The following ERP27 variants were observed in gnomAD, a reference collection of about 807,000 sequenced individuals.
The protein encoded by ERP27 is endoplasmic reticulum protein 27.
ERP27 carries 23 observed loss-of-function variants against 27.7 expected under a neutral mutation model. That is an observed-to-expected ratio of 0.83 (90% confidence interval 0.60 to 1.18). The LOEUF (loss-of-function observed/expected upper bound fraction) is 1.18, where lower values mean the gene tolerates loss of function less well. Ranked by LOEUF, ERP27 falls within the 50% of genes most tolerant of loss-of-function variation. The pLI is 0.00. For missense variants in ERP27, 363 were observed against 327.9 expected (o/e 1.11, Z -0.83); for synonymous variants, 159 against 118.3 (o/e 1.34, Z -2.23).
At chr12:14,915,952 A>G in intron 5 of ERP27, 1 of 261,196 alleles carries the variant, frequency 3.8e-6, no homozygotes, top group Non-Finnish European at 7.5e-6. Context: ...CCCACTTCTA[A>G]GTGGGAGCTA....
chr12:14,938,467 G>C lies in ERP27; in HGVS notation c.42C>G (p.Leu14=), dbSNP rs539378364. ...APSRFMFLLF[L]LTCELAAEVA... is the part of the protein sequence containing the mutation. ...CTTCTGCAGCCAGCTCACACGTGAG[G>C]AGAAATAAGAGGAACATGAACCTGG... The change falls in exon 1 of 7, where the codon CTC becomes CTG. Residue 14 remains leucine, a synonymous_variant. Transcript: ENST00000266397. 2.5e-6 allele frequency: 4 copies of C among 1,614,050 alleles called. No homozygotes were observed. Among genetic ancestry groups the C allele is most frequent in the East Asian group, 2.2e-5 (1 of 44,848 alleles).
intron 3 of ERP27, among the ~76,000 whole-genome samples, chr12:14,921,718 C>G (rs1190073177): frequency 6.6e-6 from 1 of 152,126 alleles, no homozygotes; most frequent in Non-Finnish European, 1.5e-5. Context: ...AGAACCACCA[C>G]CCAAGTCAAG....
intron 5 of ERP27, 149 bp from the exon 6 acceptor site, chr12:14,915,835 G>T: frequency 4.1e-6 from 3 of 733,656 alleles, no homozygotes; most frequent in South Asian, 4.1e-5. Context: ...AATTATTGCA[G>T]CTGTAACAAA....
At chr12:14,927,491 T>A (rs1188504109) in intron 3 of ERP27, among the ~76,000 whole-genome samples, 1 of 93,132 alleles carries the variant, frequency 1.1e-5, no homozygotes, top group Non-Finnish European at 2.4e-5. Flanking sequence ...TCAAAGGGGA[T>A]GTGAAAGGTG....
chr12:14,921,655 A>G (rs936752608), intron 3 of ERP27, among the ~76,000 whole-genome samples: 4 of 152,262 alleles, frequency 2.6e-5, no homozygotes, highest in Admixed American at 2.6e-4. Context: ...AATATAACAC[A>G]GTATAAACAT....
At chr12:14,923,503 CT>C (rs1863544801) in intron 3 of ERP27, among the ~76,000 whole-genome samples, 1 of 151,252 alleles carries the variant, frequency 6.6e-6, no homozygotes, top group Non-Finnish European at 1.5e-5. Context: ...ATCTATCTAT[CT>C]ATCTATCTAT....
At chr12:14,935,430 C>T (rs776438598) in intron 2 of ERP27, among the ~76,000 whole-genome samples, 10 of 152,114 alleles carry the variant, frequency 6.6e-5, no homozygotes, top group Non-Finnish European at 1.0e-4. Context: ...TTACTCATTC[C>T]TGCATGTAGG....
chr12:14,921,610 C>T (rs1356785026), intron 3 of ERP27, among the ~76,000 whole-genome samples: 1 of 152,146 alleles, frequency 6.6e-6, no homozygotes, highest in East Asian at 1.9e-4. Context: ...TATTTATGTA[C>T]CCTTTTACTG....
At chr12:14,917,605 C>T (rs542887120) in intron 4 of ERP27, among the ~76,000 whole-genome samples, 6 of 152,232 alleles carry the variant, frequency 3.9e-5, no homozygotes, top group Non-Finnish European at 7.3e-5. Flanking sequence ...GCTCTTCTCT[C>T]TATCTCTCAC....
intron 4 of ERP27, among the ~76,000 whole-genome samples, chr12:14,919,149 A>G (rs1863459756): frequency 6.6e-6 from 1 of 152,232 alleles, no homozygotes; most frequent in Non-Finnish European, 1.5e-5. Context: ...CCAGAAGCAG[A>G]TGAGAAACAG....
At position 14,914,482 on chromosome 12, in the gene ERP27, T is replaced by G; in HGVS notation, c.*253A>C. 1 of 473,184 alleles carries G rather than the reference T, an allele frequency of 2.1e-6. No homozygotes were observed. The allele number at this position is 473,184 out of a possible 1,614,324, so 29.3% of individuals were successfully genotyped here. On this transcript the variant is annotated 3_prime_UTR_variant, in exon 7 of 7. Coordinates refer to ENST00000266397, the MANE Select transcript of ERP27 (RefSeq NM_152321.4). ...GTATGAATGCACGATAAGAAGGAAATTGGATAGGGAGTGAGGATATGAAAT... is the reference window on the plus strand; with the variant it reads ...GTATGAATGCACGATAAGAAGGAAAGTGGATAGGGAGTGAGGATATGAAAT...
chr12:14,916,821 G>A (rs879416997), intron 5 of ERP27, among the ~76,000 whole-genome samples: 2 of 152,102 alleles, frequency 1.3e-5, no homozygotes, highest in Non-Finnish European at 2.9e-5. Context: ...TGTTTTATAT[G>A]AGAAATGAGC....
At chr12:14,930,694 T>G (rs1863684969) in intron 3 of ERP27, among the ~76,000 whole-genome samples, 1 of 152,248 alleles carries the variant, frequency 6.6e-6, no homozygotes, top group Non-Finnish European at 1.5e-5. Flanking sequence ...GCACTATTTT[T>G]GGAGAATATT....
At chr12:14,923,508 T>TATCTATCTATC (rs1863545246) in intron 3 of ERP27, among the ~76,000 whole-genome samples, 1 of 151,676 alleles carries the variant, frequency 6.6e-6, no homozygotes, top group Non-Finnish European at 1.5e-5. Context: ...TCTATCTATC[T>TATCTATCTATC]ATCTATCTAT....
intron 2 of ERP27, among the ~76,000 whole-genome samples, chr12:14,936,484 G>C (rs1450059262): frequency 1.3e-5 from 2 of 152,142 alleles, no homozygotes; most frequent in Admixed American, 1.3e-4. Flanking sequence ...GAACAAACAT[G>C]TTCTACCCTG....
In ERP27 at chr12:14,927,052, G is replaced by T. The variant is rs541923148; in HGVS notation, c.334-6004C>A. Among the ~76,000 whole-genome samples, 36 of 152,116 alleles carry T rather than the reference G, an allele frequency of 2.4e-4. 1 individual carries two copies. The highest frequency in any genetic ancestry group is 2.2e-3 in the Admixed American group (33 of 15,288). ...TTTTTGCTGGGGGTAGAATTCTAAC[G>T]TTGGCAGTGATTTTCTTTCAGTATT... On this transcript the variant is annotated intron_variant, in intron 3 of 6. Coordinates refer to ENST00000266397, the MANE Select transcript of ERP27 (RefSeq NM_152321.4).
rs1404522746 is a variant in ERP27 at position 14,938,005 on chromosome 12, C to T, written c.142G>A (p.Ala48Thr). ...QEPTWLTDVPAAMEFIAATEV... is the reference protein window; with the variant it reads ...QEPTWLTDVPTAMEFIAATEV... ...GTGGCAGCAATGAATTCCATGGCAGCTGGGACATCTGTGAGCCACGTGGGT... is the reference window on the plus strand; with the variant it reads ...GTGGCAGCAATGAATTCCATGGCAGTTGGGACATCTGTGAGCCACGTGGGT... The change falls in exon 2 of 7, where the codon GCT (alanine) becomes ACT (threonine). Residue 48 changes from alanine (A) to threonine (T), a missense_variant. Physicochemically the swap from Ala to Thr is moderately conservative, Grantham distance 58. Coordinates refer to ENST00000266397, the MANE Select transcript of ERP27 (RefSeq NM_152321.4). 1.2e-6 allele frequency: 2 copies of T among 1,614,082 alleles called. No individual in the cohort carries two copies. Among genetic ancestry groups the T allele is most frequent in the Admixed American group, 1.7e-5 (1 of 60,020 alleles).
intron 3 of ERP27, among the ~76,000 whole-genome samples, chr12:14,933,747 T>C (rs1485796752): frequency 6.6e-6 from 1 of 152,200 alleles, no homozygotes; most frequent in African/African-American, 2.4e-5. Flanking sequence ...ATGACCTCAC[T>C]ATTCTTAGAC....
rs549125273 is a variant in ERP27, at chr12:14,929,162, C to T, written c.333+5694G>A. On this transcript the variant is annotated intron_variant, in intron 3 of 6. Coordinates refer to ENST00000266397, the MANE Select transcript of ERP27 (RefSeq NM_152321.4). ...ATCCCCCCCTCCCTGTACTCTTTTC[C>T]GGGCAGTCCTTCATACTTCCCAGAA... 4.7e-5 allele frequency: 65 copies of T among 1,391,334 alleles called. No homozygotes were observed. The South Asian group carries it at 7.0e-4, about 15-fold the overall frequency. The allele number at this position is 1,391,334 out of a possible 1,614,324, so 86.2% of individuals were successfully genotyped here. A position where few individuals can be genotyped will look rare whatever the true frequency, so the allele number is the denominator to read the frequency against.
Sources: gnomAD v4.1 joint callset for allele counts (sites outside exome capture counted in the v4.1 genomes callset) on GRCh38, gnomAD v4.1.1 for gene constraint, MANE v1.5 for transcripts, NCBI Gene and HGNC (gene_info 2026-07-23, HGNC 2026-07-21) for gene names.